SCAPER: variants seen among roughly 807,000 people sequenced by gnomAD.
The protein encoded by SCAPER is S-phase cyclin A associated protein in the ER.
SCAPER carries 98 observed loss-of-function variants against 182.2 expected under a neutral mutation model. The observed-to-expected ratio is 0.54, with a 90% CI of 0.46 to 0.64. SCAPER has a LOEUF of 0.64. Ranked by LOEUF, SCAPER falls within the 30% of genes least tolerant of loss-of-function variation. SCAPER has a pLI of 0.00. For synonymous variants in SCAPER, 605 were observed against 564.6 expected, an observed-to-expected ratio of 1.07 and a Z score of -1.01; for missense variants, 1,432 against 1,690.0, an observed-to-expected ratio of 0.85 and a Z score of 2.68.
At chr15:76,817,102 T>G (rs1030252983) in intron 5 of SCAPER, among the ~76,000 whole-genome samples, 7 of 152,270 alleles carry the variant, frequency 4.6e-5, no homozygotes, top group African/African-American at 1.7e-4. Context: ...TACAACATTA[T>G]GACAGCTATG....
At chr15:76,402,346 C>T (rs751473663) in intron 27 of SCAPER, among the ~76,000 whole-genome samples, 1 of 152,140 alleles carries the variant, frequency 6.6e-6, no homozygotes, top group Non-Finnish European at 1.5e-5. Context: ...AGCTCCTTGT[C>T]CAGAGAACGT....
chr15:76,561,683 G>T (rs952889203), intron 23 of SCAPER, among the ~76,000 whole-genome samples: 1 of 151,528 alleles, frequency 6.6e-6, no homozygotes, highest in Non-Finnish European at 1.5e-5. Flanking sequence ...GCATCTATAC[G>T]GGCAAGAAAA....
chr15:76,747,476 T>G (rs2061855361), intron 15 of SCAPER, among the ~76,000 whole-genome samples: 1 of 152,056 alleles, frequency 6.6e-6, no homozygotes. Flanking sequence ...CACTCCAGCC[T>G]GGGGACAGAG....
chr15:76,701,222 G>A (rs1278972610), intron 20 of SCAPER, among the ~76,000 whole-genome samples: 1 of 151,974 alleles, frequency 6.6e-6, no homozygotes, highest in Non-Finnish European at 1.5e-5. Flanking sequence ...TTCTTGAGTA[G>A]TTTTAAAAAT....
chr15:76,703,016 C>A lies in SCAPER; in HGVS notation c.2248-14G>T. ...ACTTTCATCATGCTGTAGATGAAGT[C>A]AAAGTGCAAGAATTTCAAAAATTAT... On this transcript the variant is annotated splice_polypyrimidine_tract_variant and intron_variant, in intron 18 of 31. Coordinates refer to ENST00000563290, the MANE Select transcript of SCAPER (RefSeq NM_020843.4). 1 of 1,517,320 alleles carries A rather than the reference C, an allele frequency of 6.6e-7. No individual in the cohort carries two copies. Among genetic ancestry groups the A allele is most frequent in the South Asian group, 1.3e-5 (1 of 76,236 alleles). 94.0% of individuals were successfully genotyped at this position (1,517,320 alleles called of 1,614,324 possible). A position where few individuals can be genotyped will look rare whatever the true frequency, so the allele number is the denominator to read the frequency against.
intron 20 of SCAPER, among the ~76,000 whole-genome samples, chr15:76,685,567 C>T (rs1253357564): frequency 6.6e-6 from 1 of 152,028 alleles, no homozygotes; most frequent in Non-Finnish European, 1.5e-5. Context: ...AACGAATATT[C>T]TTAAAGGCCT....
At chr15:76,557,985 TA>T (rs571116778) in intron 23 of SCAPER, among the ~76,000 whole-genome samples, 3 of 152,096 alleles carry the variant, frequency 2.0e-5, no homozygotes, top group Admixed American at 6.5e-5. Context: ...TTACACCATA[TA>T]AAAAAATCAA....
chr15:76,845,484 T>TA (rs1331510627), intron 4 of SCAPER, among the ~76,000 whole-genome samples: 1 of 151,894 alleles, frequency 6.6e-6, no homozygotes, highest in Admixed American at 6.6e-5. Context: ...CACCAAAAAC[T>TA]ATTAGAACTG....
intron 23 of SCAPER, among the ~76,000 whole-genome samples, chr15:76,520,926 T>C (rs1456654250): frequency 1.3e-5 from 2 of 152,180 alleles, no homozygotes; most frequent in African/African-American, 2.4e-5. Context: ...AATGCAATTA[T>C]ATAAAGGGTC....
chr15:76,730,802 G>A (rs951325809), intron 16 of SCAPER, among the ~76,000 whole-genome samples: 13 of 152,120 alleles, frequency 8.5e-5, no homozygotes, highest in Admixed American at 5.2e-4. Flanking sequence ...TATGTATTAT[G>A]TAAAAATAAT....
intron 23 of SCAPER, among the ~76,000 whole-genome samples, chr15:76,568,980 T>A (rs1420382712): frequency 2.0e-5 from 3 of 152,084 alleles, no homozygotes; most frequent in Non-Finnish European, 4.4e-5. Context: ...TAAATTATTT[T>A]AAATTTTCTA....
intron 1 of SCAPER, among the ~76,000 whole-genome samples, chr15:76,897,663 C>T (rs1277337513): frequency 6.6e-6 from 1 of 151,846 alleles, no homozygotes; most frequent in Admixed American, 6.6e-5. Context: ...GCCGAGATCA[C>T]GCCACTGCAC....
At chr15:76,370,995 T>C (rs998098064) in intron 29 of SCAPER, among the ~76,000 whole-genome samples, 1 of 152,232 alleles carries the variant, frequency 6.6e-6, no homozygotes, top group Non-Finnish European at 1.5e-5. Context: ...TGCACTTCAG[T>C]GATCGCTAGC....
At chr15:76,401,144 G>A (rs1217035253) in intron 27 of SCAPER, among the ~76,000 whole-genome samples, 1 of 151,950 alleles carries the variant, frequency 6.6e-6, no homozygotes, top group African/African-American at 2.4e-5. Context: ...ATATGTATAT[G>A]TATATGATAA....
At chr15:76,652,454 C>G (rs1246535536) in intron 21 of SCAPER, among the ~76,000 whole-genome samples, 2 of 107,766 alleles carry the variant, frequency 1.9e-5, no homozygotes, top group Admixed American at 1.1e-4. Flanking sequence ...AAGTTCGAAA[C>G]CAGCCTGGCC....
chr15:76,733,135 G>T, intron 16 of SCAPER, 94 bp downstream of exon 16: 4 of 1,098,054 alleles, frequency 3.6e-6, no homozygotes, highest in South Asian at 1.6e-5. Flanking sequence ...TCCCATCTCC[G>T]CACATGGGGA....
At chr15:76,780,289 T>C (rs1401482700) in intron 8 of SCAPER, among the ~76,000 whole-genome samples, 1 of 152,232 alleles carries the variant, frequency 6.6e-6, no homozygotes, top group East Asian at 1.9e-4. Context: ...CGCAGCAGTC[T>C]GAGATCCACC....
At chr15:76,618,314 C>T (rs2146044625) in intron 22 of SCAPER, among the ~76,000 whole-genome samples, 1 of 152,214 alleles carries the variant, frequency 6.6e-6, no homozygotes, top group East Asian at 1.9e-4. Flanking sequence ...TATTTTTATT[C>T]ATGTGTGAGT....
chr15:76,348,705 C>A lies in SCAPER; in HGVS notation c.4131G>T (p.Glu1377Asp). ...CCTGCTGAGGAAATCTGTTAGCCAG[C>A]TCAAGATAGTCTTGGGAACCAAGGC... is the stretch of plus-strand genomic sequence containing the variant. ...GKCLGSQDYL[E>D]LANRFPQQAW... The change falls in exon 32 of 32, where the codon GAG becomes GAT. Residue 1377 changes from glutamate (E) to aspartate (D), a missense_variant. By Grantham distance (45) the Glu-to-Asp change is conservative. Coordinates refer to ENST00000563290, the MANE Select transcript of SCAPER (RefSeq NM_020843.4). 6.4e-7 allele frequency: 1 copy of A among 1,553,204 alleles called. No homozygotes were observed. The highest frequency in any genetic ancestry group is 8.7e-7 in the Non-Finnish European group (1 of 1,146,806).
Sources: allele counts gnomAD v4.1 joint callset (sites outside exome capture counted in the v4.1 genomes callset), GRCh38; gene constraint gnomAD v4.1.1; transcripts MANE v1.5; gene names NCBI Gene and HGNC (gene_info 2026-07-23, HGNC 2026-07-21).